SHROOM4: variants seen among roughly 807,000 people sequenced by gnomAD.
SHROOM4 encodes the protein shroom family member 4, also known as protein Shroom4.
SHROOM4 carries 17 observed loss-of-function variants against 80.3 expected under a neutral mutation model. That is an observed-to-expected ratio of 0.21 (90% CI 0.14 to 0.32). The LOEUF is 0.32. Ranked by LOEUF, SHROOM4 falls within the 10% of genes least tolerant of loss-of-function variation. The pLI is 1.00. For synonymous variants in SHROOM4, 400 were observed against 437.5 expected (o/e 0.91, Z 1.07); for missense variants, 993 against 1,140.3 (o/e 0.87, Z 1.86).
At chrX:50,772,246 A>G (rs1198461872) in intron 1 of SHROOM4, among the ~76,000 whole-genome samples, 2 of 111,947 alleles carry the variant, frequency 1.8e-5, no homozygotes, top group African/African-American at 6.5e-5. Context: ...GAGAGAAAAC[A>G]TGTGGTAACA....
At chrX:50,764,158 C>T (rs782305247) in intron 1 of SHROOM4, among the ~76,000 whole-genome samples, 2 of 111,418 alleles carry the variant, frequency 1.8e-5, no homozygotes, top group Non-Finnish European at 3.8e-5. Context: ...TTTGTCGTTC[C>T]TTACTGGAAT....
intron 2 of SHROOM4, among the ~76,000 whole-genome samples, chrX:50,691,841 T>C (rs1332708493): frequency 9.0e-6 from 1 of 111,636 alleles, no homozygotes; most frequent in African/African-American, 3.3e-5. Context: ...TTTCATAAAG[T>C]TGACGAAAAA....
chrX:50,608,310 A>G (rs1483066363), intron 5 of SHROOM4, 126 bp from the exon 6 acceptor site: 1 of 516,647 alleles, frequency 1.9e-6, no homozygotes, highest in South Asian at 3.3e-5. Flanking sequence ...AGTAAATGTA[A>G]TAATAGTAAT....
chrX:50,695,703 T>C (rs1214710392), intron 2 of SHROOM4, 83 bp downstream of exon 2: 3 of 1,043,611 alleles, frequency 2.9e-6, no homozygotes, highest in Admixed American at 2.2e-5. Context: ...ATAATATTGA[T>C]AGAGACATGA....
chrX:50,768,211 A>T (rs1046132202), intron 1 of SHROOM4, among the ~76,000 whole-genome samples: 20 of 112,214 alleles, frequency 1.8e-4, no homozygotes, highest in Non-Finnish European at 1.9e-5. Flanking sequence ...TAATATAAAC[A>T]TATTAGAGCC....
chrX:50,729,033 T>TTA (rs782055745), intron 1 of SHROOM4, among the ~76,000 whole-genome samples: 2 of 111,283 alleles, frequency 1.8e-5, no homozygotes, highest in Admixed American at 1.9e-4. Flanking sequence ...GAGATGGTCA[T>TTA]TACTTAAAGC....
intron 2 of SHROOM4, among the ~76,000 whole-genome samples, chrX:50,651,451 A>G (rs1449432644): frequency 4.5e-5 from 5 of 111,135 alleles, no homozygotes; most frequent in African/African-American, 1.3e-4. Flanking sequence ...CCAACCCCCA[A>G]ATAGTGTTTT....
intron 1 of SHROOM4, among the ~76,000 whole-genome samples, chrX:50,811,051 C>A (rs782083795): frequency 1.8e-5 from 2 of 111,950 alleles, no homozygotes; most frequent in Non-Finnish European, 3.8e-5. Context: ...GTGGCTCACG[C>A]CTGTAATCCC....
intron 2 of SHROOM4, among the ~76,000 whole-genome samples, chrX:50,645,857 G>T (rs192304645): frequency 8.9e-6 from 1 of 111,788 alleles, no homozygotes; most frequent in Admixed American, 9.4e-5. Flanking sequence ...GTGGGCACAT[G>T]CAGCAGAAAA....
At chrX:50,745,881 T>C (rs1402060575) in intron 1 of SHROOM4, among the ~76,000 whole-genome samples, 1 of 111,748 alleles carries the variant, frequency 8.9e-6, no homozygotes, top group Non-Finnish European at 1.9e-5. Flanking sequence ...ATTTGTTGCA[T>C]GACCTTGAGC....
At chrX:50,713,065 C>T (rs1053114391) in intron 1 of SHROOM4, among the ~76,000 whole-genome samples, 8 of 110,291 alleles carry the variant, frequency 7.3e-5, no homozygotes, top group Non-Finnish European at 1.1e-4. Flanking sequence ...AGCAGGCAGG[C>T]GGGTATCCAC....
At chrX:50,638,540 C>A (rs1557256620) in intron 2 of SHROOM4, among the ~76,000 whole-genome samples, 2 of 112,308 alleles carry the variant, frequency 1.8e-5, no homozygotes, top group Non-Finnish European at 1.9e-5. Context: ...GTATCCTGAG[C>A]ACGTATCACA....
At chrX:50,701,868 G>A (rs2147469813) in intron 1 of SHROOM4, among the ~76,000 whole-genome samples, 1 of 110,865 alleles carries the variant, frequency 9.0e-6, no homozygotes, top group East Asian at 2.8e-4. Flanking sequence ...GCAAAAGGTA[G>A]TAATCATAAA....
intron 1 of SHROOM4, among the ~76,000 whole-genome samples, chrX:50,766,088 G>A (rs1255241078): frequency 9.0e-6 from 1 of 111,254 alleles, no homozygotes; most frequent in Non-Finnish European, 1.9e-5. Flanking sequence ...AGAATATTCA[G>A]TACATTTTTT....
chrX:50,665,562 C>A (rs1194433728), intron 2 of SHROOM4, among the ~76,000 whole-genome samples: 2 of 109,900 alleles, frequency 1.8e-5, no homozygotes, highest in Non-Finnish European at 3.8e-5. Context: ...TCAGTAGGAA[C>A]CAATTGAGGT....
rs58554146 is a variant in SHROOM4, at chrX:50,756,344, C to A, written c.117+57558G>T. 4.7e-3 allele frequency among the ~76,000 whole-genome samples: 532 copies of A among 112,207 alleles called. 3 individuals carry two copies. The highest frequency in any genetic ancestry group is 0.016 in the African/African-American group (505 of 30,899). ...TGCTTCATTTCTTTTCACTGCCGAA[C>A]AATATTCTATTGTATGATTATACCA... On this transcript the variant is annotated intron_variant, in intron 1 of 8. Coordinates refer to ENST00000376020, the MANE Select transcript of SHROOM4 (RefSeq NM_020717.5).
chrX:50,620,754 A>G (rs1930539174), intron 5 of SHROOM4, among the ~76,000 whole-genome samples: 1 of 111,532 alleles, frequency 9.0e-6, no homozygotes, highest in Admixed American at 9.5e-5. Context: ...TACTTCTTTA[A>G]TTGCTAGAGA....
chrX:50,670,491 T>C (rs2147389933), intron 2 of SHROOM4, among the ~76,000 whole-genome samples: 1 of 112,237 alleles, frequency 8.9e-6, no homozygotes, highest in South Asian at 3.8e-4. Context: ...TGCCACATTT[T>C]CTTTATCCAG....
intron 1 of SHROOM4, among the ~76,000 whole-genome samples, chrX:50,704,879 T>C (rs1933617729): frequency 9.0e-6 from 1 of 111,537 alleles, no homozygotes; most frequent in Non-Finnish European, 1.9e-5. Flanking sequence ...GCAGTAATTT[T>C]AATCTCTGGT....
Sources: gnomAD v4.1 joint callset for allele counts (sites outside exome capture counted in the v4.1 genomes callset) on GRCh38, gnomAD v4.1.1 for gene constraint, MANE v1.5 for transcripts, NCBI Gene and HGNC (gene_info 2026-07-23, HGNC 2026-07-21) for gene names.